ZNF334: variants seen among roughly 807,000 people sequenced by gnomAD.
ZNF334 encodes zinc finger protein 334.
ZNF334 carries 14 observed loss-of-function variants against 12.4 expected under a neutral mutation model. The ratio of observed to expected loss-of-function variants is 1.13; its 90% CI spans 0.74 to 1.76. The LOEUF is 1.76. Ranked by LOEUF, ZNF334 falls within the 40% of genes most tolerant of loss-of-function variation. The pLI is 0.00. For synonymous variants in ZNF334, 273 were observed against 269.6 expected, an observed-to-expected ratio of 1.01 and a Z score of -0.12; for missense variants, 797 against 804.5, an observed-to-expected ratio of 0.99 and a Z score of 0.11.
At chr20:46,463,047 G>T in the ZNF334 span, among the ~76,000 whole-genome samples, 2 of 152,326 alleles carry the variant, frequency 1.3e-5, no homozygotes, top group East Asian at 3.9e-4. Context: ...AGGAGTTCAA[G>T]ACCAGCCTGG....
chr20:46,475,774 C>A, the ZNF334 span, among the ~76,000 whole-genome samples: 1 of 152,148 alleles, frequency 6.6e-6, no homozygotes, highest in Non-Finnish European at 1.5e-5. Flanking sequence ...AGTAACACCA[C>A]TACATGCTGG....
chr20:46,510,344 T>A (rs2061598598), intron 2 of ZNF334, among the ~76,000 whole-genome samples: 1 of 149,748 alleles, frequency 6.7e-6, no homozygotes, highest in Non-Finnish European at 1.5e-5. Flanking sequence ...GAGATGGAAG[T>A]GAAAGGACAA....
In ZNF334 at chr20:46,501,947, A is replaced by G. The variant is rs1307710577; in HGVS notation, c.1392T>C (p.Asn464=). The G allele has an allele frequency of 6.2e-7, 1 of 1,614,034 alleles. No individual in the cohort carries two copies. The highest frequency in any genetic ancestry group is 1.7e-5 in the Admixed American group (1 of 60,022). Residue 464 remains asparagine, a synonymous_variant, in exon 5 of 5, where the codon AAT becomes AAC. Coordinates refer to ENST00000692313, the MANE Select transcript of ZNF334 (RefSeq NM_001353824.2). ...THRGKKSYEC[N]ECGKFFCHKS... is the part of the protein sequence containing the mutation. ...TATGGCAGAAAAATTTCCCACATTC[A>G]TTACATTCATAAGACTTCTTTCCTC... is the stretch of plus-strand genomic sequence containing the variant.
chr20:46,473,505 T>C, the ZNF334 span, among the ~76,000 whole-genome samples: 1 of 152,380 alleles, frequency 6.6e-6, no homozygotes, highest in East Asian at 1.9e-4. Context: ...TAACTATACC[T>C]TGATAGACAG....
Position 46,501,073 on chromosome 20 carries a change from G to A in ZNF334, c.*223C>T, listed in dbSNP as rs1461644774. ...CATTTGGCATAACCTTTGAATTGCTGTTGAATATTTTCATAGTTCACAATG... is the reference window on the plus strand; with the variant it reads ...CATTTGGCATAACCTTTGAATTGCTATTGAATATTTTCATAGTTCACAATG... On this transcript the variant is annotated 3_prime_UTR_variant, in exon 5 of 5. Coordinates refer to ENST00000692313, the MANE Select transcript of ZNF334 (RefSeq NM_001353824.2). 1 of 510,216 alleles carries A rather than the reference G, an allele frequency of 2.0e-6. No individual in the cohort carries two copies. The highest frequency in any genetic ancestry group is 3.7e-5 in the Admixed American group (1 of 27,314). The allele number at this position is 510,216 out of a possible 1,614,324, so 31.6% of individuals were successfully genotyped here.
chr20:46,481,987 G>A, the ZNF334 span, among the ~76,000 whole-genome samples: 1 of 152,084 alleles, frequency 6.6e-6, no homozygotes, highest in Non-Finnish European at 1.5e-5. Flanking sequence ...GTCTGGGTGG[G>A]CCTGAAATGT....
At chr20:46,469,180 G>C in the ZNF334 span, among the ~76,000 whole-genome samples, 2 of 152,152 alleles carry the variant, frequency 1.3e-5, no homozygotes. Context: ...CACTATACCT[G>C]TAATAAGAAA....
At chr20:46,495,967 T>C (rs1040410987), downstream of ZNF334, among the ~76,000 whole-genome samples, 1 of 152,202 alleles carries the variant, frequency 6.6e-6, no homozygotes, top group Non-Finnish European at 1.5e-5. Context: ...TGGGAAGGTC[T>C]GGAGGAAGAT....
the ZNF334 span, chr20:46,492,136 T>G: frequency 6.6e-6 from 1 of 152,620 alleles, no homozygotes; most frequent in Non-Finnish European, 1.5e-5. Flanking sequence ...AGAAGCCCTT[T>G]CCATGTAATG....
chr20:46,464,693 T>TC, the ZNF334 span: 1 of 460,968 alleles, frequency 2.2e-6, no homozygotes, highest in Non-Finnish European at 4.3e-6. Context: ...CAAAGCAGCT[T>TC]GTTATCACAG....
chr20:46,506,954 A>T lies in ZNF334; in HGVS notation c.22-2214T>A, dbSNP rs531574979. 4.1e-3 allele frequency among the ~76,000 whole-genome samples: 608 copies of T among 147,080 alleles called. 3 individuals carry two copies. Among genetic ancestry groups the T allele is most frequent in the African/African-American group, 0.011 (450 of 40,276 alleles). On this transcript the variant is annotated intron_variant, in intron 2 of 4. Coordinates refer to ENST00000692313, the MANE Select transcript of ZNF334 (RefSeq NM_001353824.2). ...TAGTGAGACCCCATCTCTCAAAAAA[A>T]TTTTTTTTTTTTTGCCAGGAGTGGT...
At chr20:46,493,451 C>T in the ZNF334 span, among the ~76,000 whole-genome samples, 1 of 152,260 alleles carries the variant, frequency 6.6e-6, no homozygotes, top group South Asian at 2.1e-4. Flanking sequence ...CATGAGAAAT[C>T]CAAAGGTCTT....
At chr20:46,486,404 ACT>A in the ZNF334 span, among the ~76,000 whole-genome samples, 6 of 151,976 alleles carry the variant, frequency 3.9e-5, no homozygotes, top group Admixed American at 6.6e-5. Context: ...ACAGAGTGAA[ACT>A]CTGTCTAAAA....
chr20:46,509,458 G>A (rs79798076), intron 2 of ZNF334: 5 of 660,618 alleles, frequency 7.6e-6, no homozygotes, highest in East Asian at 2.7e-5. Context: ...CTCACTACAA[G>A]CCCCAAAGAG....
At chr20:46,497,153 C>T (rs2061038372), downstream of ZNF334, among the ~76,000 whole-genome samples, 1 of 152,140 alleles carries the variant, frequency 6.6e-6, no homozygotes, top group Admixed American at 6.5e-5. Context: ...GGAAGAGGGC[C>T]ACAAATAAGG....
chr20:46,462,510 A>T, the ZNF334 span, among the ~76,000 whole-genome samples: 1 of 152,244 alleles, frequency 6.6e-6, no homozygotes, highest in Admixed American at 6.5e-5. Flanking sequence ...AAACAAACAC[A>T]AAAAACTCAA....
the ZNF334 span, among the ~76,000 whole-genome samples, chr20:46,489,649 C>CAAAAAA: frequency 6.6e-5 from 6 of 90,770 alleles, no homozygotes; most frequent in African/African-American, 2.4e-4. Flanking sequence ...CAGACTCTCT[C>CAAAAAA]AAAAAAAAAA....
intron 2 of ZNF334, chr20:46,506,359 C>T (rs780878091): frequency 1.9e-5 from 12 of 629,026 alleles, no homozygotes; most frequent in South Asian, 3.6e-5. Context: ...GGTGTGGTGG[C>T]GCACACCTAT....
rs2061147923 is a variant in ZNF334 at position 46,501,260 on chromosome 20, T to G, written c.*36A>C. 2 of 1,580,878 alleles carry G rather than the reference T, an allele frequency of 1.3e-6. No homozygotes were observed. The highest frequency in any genetic ancestry group is 1.7e-6 in the Non-Finnish European group (2 of 1,164,444). On this transcript the variant is annotated 3_prime_UTR_variant, in exon 5 of 5. Coordinates refer to ENST00000692313, the MANE Select transcript of ZNF334 (RefSeq NM_001353824.2). Reference sequence around the variant, plus strand: ...TTTAGCATTGTGTAAGTTATTTGATTTGTTGCTTTGTTGGAATTTATTACT... The same window carrying G: ...TTTAGCATTGTGTAAGTTATTTGATGTGTTGCTTTGTTGGAATTTATTACT...
Sources: gnomAD v4.1 joint callset for allele counts (sites outside exome capture counted in the v4.1 genomes callset) on GRCh38, gnomAD v4.1.1 for gene constraint, MANE v1.5 for transcripts, NCBI Gene and HGNC (gene_info 2026-07-23, HGNC 2026-07-21) for gene names.